Variants in ANXA13 observed in about 807,000 individuals in gnomAD.
The protein encoded by ANXA13 is annexin A13, also known as annexin XIII.
A neutral mutation model predicts 46.6 loss-of-function variants in ANXA13; 36 were observed. The observed-to-expected ratio is 0.77, with a 90% CI of 0.59 to 1.02. The LOEUF (loss-of-function observed/expected upper bound fraction) is 1.02. Ranked by LOEUF, ANXA13 falls within the 50% of genes least tolerant of loss-of-function variation. The pLI is 0.00. For synonymous variants in ANXA13, 163 were observed against 152.9 expected (o/e 1.07, Z -0.49); for missense variants, 417 against 396.5 (o/e 1.05, Z -0.44).
chr8:123,719,877 A>G (rs1813828721), intron 1 of ANXA13, among the ~76,000 whole-genome samples: 1 of 152,126 alleles, frequency 6.6e-6, no homozygotes, highest in Non-Finnish European at 1.5e-5. Flanking sequence ...TCTCATCTTT[A>G]AAGTGGAGAT....
intron 1 of ANXA13, among the ~76,000 whole-genome samples, chr8:123,730,401 G>A (rs1469427661): frequency 2.0e-5 from 3 of 152,116 alleles, no homozygotes; most frequent in African/African-American, 7.2e-5. Context: ...TCAACATTCT[G>A]GGGGTTGGAC....
chr8:123,681,976 TC>T (rs1322381375), intron 10 of ANXA13, among the ~76,000 whole-genome samples: 1 of 152,208 alleles, frequency 6.6e-6, no homozygotes, highest in East Asian at 1.9e-4. Flanking sequence ...GTATTATCTT[TC>T]TTTTGAGTTT....
chr8:123,727,000 C>A (rs1814012318), intron 1 of ANXA13, among the ~76,000 whole-genome samples: 1 of 152,074 alleles, frequency 6.6e-6, no homozygotes, highest in Non-Finnish European at 1.5e-5. Flanking sequence ...GGGAGCTAAG[C>A]TATGAGGACG....
At chr8:123,724,344 G>A (rs138751470) in intron 1 of ANXA13, among the ~76,000 whole-genome samples, 88 of 152,220 alleles carry the variant, frequency 5.8e-4, no homozygotes, top group Non-Finnish European at 9.9e-4. Flanking sequence ...CTTTCAACCC[G>A]GATTGCACTC....
At chr8:123,719,237 G>T (rs543239790) in intron 1 of ANXA13, among the ~76,000 whole-genome samples, 1 of 152,344 alleles carries the variant, frequency 6.6e-6, no homozygotes, top group African/African-American at 2.4e-5. Context: ...AATAAGAATA[G>T]ATTGTTTCAT....
chr8:123,722,711 C>T (rs1219837519), intron 1 of ANXA13, among the ~76,000 whole-genome samples: 4 of 152,140 alleles, frequency 2.6e-5, no homozygotes, highest in Admixed American at 2.6e-4. Context: ...GGGACTAATA[C>T]CTGCCCACCC....
At chr8:123,697,892 A>G (rs1168437873) in intron 4 of ANXA13, among the ~76,000 whole-genome samples, 1 of 152,236 alleles carries the variant, frequency 6.6e-6, no homozygotes, top group Non-Finnish European at 1.5e-5. Flanking sequence ...GTCTGATGAC[A>G]GAAGGACACA....
At chr8:123,733,899 G>A (rs532505572) in intron 1 of ANXA13, among the ~76,000 whole-genome samples, 12 of 152,292 alleles carry the variant, frequency 7.9e-5, no homozygotes, top group East Asian at 5.8e-4. Context: ...TTGACAACGC[G>A]TTCCATAGTC....
At chr8:123,699,667 T>C (rs1202499621) in intron 3 of ANXA13, among the ~76,000 whole-genome samples, 1 of 152,176 alleles carries the variant, frequency 6.6e-6, no homozygotes, top group East Asian at 1.9e-4. Context: ...GACCTTCACA[T>C]AGAGCGACAG....
chr8:123,730,643 A>G (rs1372121294), intron 1 of ANXA13, among the ~76,000 whole-genome samples: 3 of 152,120 alleles, frequency 2.0e-5, no homozygotes, highest in Non-Finnish European at 2.9e-5. Context: ...ATCATCCTGG[A>G]TTTAGAGTAT....
intron 4 of ANXA13, 50 bp from the exon 5 acceptor site, chr8:123,695,771 C>T (rs772559729): frequency 6.7e-7 from 1 of 1,486,568 alleles, no homozygotes; most frequent in Admixed American, 1.7e-5. Context: ...AGGGATTAAT[C>T]AATAAGAGAT....
At chr8:123,717,228 A>T (rs969796163) in intron 1 of ANXA13, among the ~76,000 whole-genome samples, 3 of 152,146 alleles carry the variant, frequency 2.0e-5, no homozygotes, top group African/African-American at 7.2e-5. Flanking sequence ...CCATTTCCTC[A>T]TCTGTAAAAT....
In ANXA13 at chr8:123,712,566, C is replaced by T. The variant is rs1586329697; in HGVS notation, c.91+112G>A. On this transcript the variant is annotated intron_variant, in intron 2 of 10. Transcript: ENST00000419625. The stretch of plus-strand genomic sequence containing the variant: ...TGGAAGTGATTGACTTGCGTTAGCT[C>T]GGAATACACAAGATAGTGAGATGTC... 14 of 946,554 alleles carry T rather than the reference C, an allele frequency of 1.5e-5. No individual in the cohort carries two copies. In the South Asian group the frequency reaches 1.6e-4, roughly 11 times the overall value. The allele number at this position is 946,554 out of a possible 1,614,324, so 58.6% of individuals were successfully genotyped here.
At chr8:123,688,769 C>A (rs966778814) in intron 9 of ANXA13, 102 bp downstream of exon 9, 1 of 1,047,194 alleles carries the variant, frequency 9.5e-7, no homozygotes, top group African/African-American at 1.6e-5. Flanking sequence ...CCTGTTGACC[C>A]CCAAAAGCTA....
chr8:123,735,204 T>A (rs969273477), intron 1 of ANXA13, among the ~76,000 whole-genome samples: 2 of 152,102 alleles, frequency 1.3e-5, no homozygotes, highest in Non-Finnish European at 2.9e-5. Flanking sequence ...AATAACATTG[T>A]CTATTACACT....
At chr8:123,689,082 C>T in intron 8 of ANXA13, 136 bp from the exon 9 acceptor site, 1 of 765,262 alleles carries the variant, frequency 1.3e-6, no homozygotes. Flanking sequence ...TATCCTGACT[C>T]TTGCCTTGTA....
intron 2 of ANXA13, among the ~76,000 whole-genome samples, chr8:123,711,421 A>G (rs919024473): frequency 7.9e-5 from 12 of 152,074 alleles, no homozygotes; most frequent in Non-Finnish European, 1.5e-4. Flanking sequence ...CTTGGATCCC[A>G]GGGCCTCTCT....
chr8:123,681,497 T>C (rs1361794556), intron 10 of ANXA13, 138 bp from the exon 11 acceptor site: 1 of 805,264 alleles, frequency 1.2e-6, no homozygotes, highest in African/African-American at 1.7e-5. Flanking sequence ...TTATTTCCTA[T>C]CATTATTTCC....
At chr8:123,709,709 C>T (rs3824247) in intron 2 of ANXA13, among the ~76,000 whole-genome samples, 47,633 of 151,914 alleles carry the variant, frequency 0.31, 7,960 homozygotes, top group South Asian at 0.47. Context: ...GACTTGTCAA[C>T]ATTTCTTGGG....
Sources: gnomAD v4.1 joint callset for allele counts (sites outside exome capture counted in the v4.1 genomes callset) on GRCh38, gnomAD v4.1.1 for gene constraint, MANE v1.5 for transcripts, NCBI Gene and HGNC (gene_info 2026-07-23, HGNC 2026-07-21) for gene names.